The following GTF2A1L variants were observed in gnomAD, a reference collection of about 807,000 sequenced individuals.
The protein encoded by GTF2A1L is TFIIA-alpha and beta-like factor.
In GTF2A1L, 48 loss-of-function variants were observed where a neutral mutation model predicts 49.7. That is an observed-to-expected ratio of 0.97 (90% CI 0.77 to 1.23). GTF2A1L has a LOEUF of 1.23. GTF2A1L is among the 50% of genes most tolerant of loss of function. The pLI, the probability that GTF2A1L is intolerant of heterozygous loss-of-function variation, is 0.00. For missense variants in GTF2A1L, 736 were observed against 564.8 expected, an observed-to-expected ratio of 1.30 and a Z score of -3.07; for synonymous variants, 246 against 193.5, an observed-to-expected ratio of 1.27 and a Z score of -2.25.
intron 8 of GTF2A1L, among the ~76,000 whole-genome samples, chr2:48,677,932 GT>G (rs1363349586): frequency 6.6e-6 from 1 of 151,596 alleles, no homozygotes; most frequent in East Asian, 1.9e-4. Context: ...AGATTGTGAG[GT>G]TTGGGGAAGA....
intron 6 of GTF2A1L, among the ~76,000 whole-genome samples, chr2:48,663,303 G>C (rs1378883154): frequency 6.6e-6 from 1 of 151,896 alleles, no homozygotes; most frequent in Non-Finnish European, 1.5e-5. Context: ...GGCCATGGTG[G>C]TGCCCTCTTG....
chr2:48,630,716 C>T (rs1676519965), intron 3 of GTF2A1L, among the ~76,000 whole-genome samples: 1 of 144,818 alleles, frequency 6.9e-6, no homozygotes, highest in Admixed American at 7.0e-5. Flanking sequence ...CCAATTTTTG[C>T]CCATTTAGCA....
intron 1 of GTF2A1L, among the ~76,000 whole-genome samples, chr2:48,620,352 C>T (rs1675912192): frequency 6.6e-6 from 1 of 152,068 alleles, no homozygotes; most frequent in South Asian, 2.1e-4. Flanking sequence ...CTGAAGCTAA[C>T]ACAGTTTATG....
chr2:48,674,064 C>T (rs748788291), intron 8 of GTF2A1L, among the ~76,000 whole-genome samples: 1 of 152,056 alleles, frequency 6.6e-6, no homozygotes, highest in African/African-American at 2.4e-5. Context: ...TGAATAATGC[C>T]TCTATGAACA....
At chr2:48,623,586 T>C (rs1342428321) in intron 3 of GTF2A1L, among the ~76,000 whole-genome samples, 1 of 152,192 alleles carries the variant, frequency 6.6e-6, no homozygotes, top group African/African-American at 2.4e-5. Context: ...AGAAAATAAG[T>C]TGTTCTAACA....
At position 48,679,452 on chromosome 2, in the gene GTF2A1L, G is replaced by C. The variant is rs368337857; in HGVS notation, c.*10G>C. The stretch of plus-strand genomic sequence containing the variant: ...TGATGCAGAGTGGTAAACCTTGTGA[G>C]CTCAGTACATCTATTTTGTGAACAT... On this transcript the variant is annotated 3_prime_UTR_variant, in exon 9 of 9. Coordinates refer to ENST00000403751, the MANE Select transcript of GTF2A1L (RefSeq NM_006872.5). The C allele has an allele frequency of 1.2e-6, 2 of 1,611,150 alleles. No individual in the cohort carries two copies. Among genetic ancestry groups the C allele is most frequent in the Admixed American group, 1.7e-5 (1 of 59,510 alleles).
At chr2:48,660,157 G>T (rs188216535) in intron 6 of GTF2A1L, among the ~76,000 whole-genome samples, 1 of 152,130 alleles carries the variant, frequency 6.6e-6, no homozygotes, top group African/African-American at 2.4e-5. Flanking sequence ...CATGGTGTAG[G>T]ATTCCTGTAA....
At chr2:48,623,440 C>G (rs1676125783) in intron 3 of GTF2A1L, among the ~76,000 whole-genome samples, 1 of 152,138 alleles carries the variant, frequency 6.6e-6, no homozygotes, top group East Asian at 1.9e-4. Flanking sequence ...GTTGGTGAAG[C>G]TGCAGAAAAA....
At chr2:48,650,563 A>G (rs6717341) in intron 6 of GTF2A1L, among the ~76,000 whole-genome samples, 7,277 of 152,260 alleles carry the variant, frequency 0.048, 578 homozygotes, top group African/African-American at 0.17. Flanking sequence ...TCCTATCAAT[A>G]ATTGACTTTA....
intron 6 of GTF2A1L, among the ~76,000 whole-genome samples, chr2:48,652,331 C>G (rs1432136153): frequency 6.6e-6 from 1 of 152,008 alleles, no homozygotes; most frequent in Non-Finnish European, 1.5e-5. Flanking sequence ...AAATGAAAAG[C>G]CAGGCCGGGC....
At position 48,618,138 on chromosome 2, in the gene GTF2A1L, C is replaced by G. The variant is rs965681210; in HGVS notation, c.21+243C>G. 5 of 519,858 alleles carry G rather than the reference C, an allele frequency of 9.6e-6. No homozygotes were observed. The East Asian group carries it at 1.6e-4, about 16-fold the overall frequency. The allele number at this position is 519,858 out of a possible 1,614,324, so 32.2% of individuals were successfully genotyped here. ...CAAGTGCCCTTTTTCTCTTTTTACC[C>G]AAACTGAGGCTATCTAGTTGGGGTG... On this transcript the variant is annotated intron_variant, in intron 1 of 8. Coordinates refer to ENST00000403751, the MANE Select transcript of GTF2A1L (RefSeq NM_006872.5).
rs186819282 is a variant in GTF2A1L at position 48,645,741 on chromosome 2, T to C, written c.388+624T>C. On this transcript the variant is annotated intron_variant, in intron 5 of 8. Coordinates refer to ENST00000403751, the MANE Select transcript of GTF2A1L (RefSeq NM_006872.5). ...TCTGCTCACTGCAAGCTCCGCCTCC[T>C]GGGTTCACGCCATTCTCCTGCCTCA... Among the ~76,000 whole-genome samples the C allele has an allele frequency of 1.7e-4, 26 of 152,270 alleles. No individual in the cohort carries two copies. In the East Asian group the frequency reaches 4.6e-3, roughly 27 times the overall value.
At chr2:48,674,622 T>G (rs1159227486) in intron 8 of GTF2A1L, among the ~76,000 whole-genome samples, 2 of 152,142 alleles carry the variant, frequency 1.3e-5, no homozygotes, top group African/African-American at 4.8e-5. Context: ...ATATATTGCC[T>G]TCTATAAAAA....
intron 3 of GTF2A1L, among the ~76,000 whole-genome samples, chr2:48,637,956 A>G (rs1320661074): frequency 6.6e-6 from 1 of 152,216 alleles, no homozygotes; most frequent in Non-Finnish European, 1.5e-5. Context: ...CAACACCTCT[A>G]TGCACACAAA....
At chr2:48,651,412 C>T (rs1677838695) in intron 6 of GTF2A1L, among the ~76,000 whole-genome samples, 1 of 147,296 alleles carries the variant, frequency 6.8e-6, no homozygotes, top group Admixed American at 6.7e-5. Flanking sequence ...TTGATACCAT[C>T]AAAGAATTTT....
intron 8 of GTF2A1L, among the ~76,000 whole-genome samples, chr2:48,679,024 C>G (rs1679619164): frequency 6.9e-6 from 1 of 144,270 alleles, no homozygotes; most frequent in South Asian, 2.3e-4. Flanking sequence ...CTGTCCTTCC[C>G]TATTAAAATG....
At chr2:48,671,540 A>G (rs764560911) in intron 7 of GTF2A1L, 51 bp from the exon 8 acceptor site, 12 of 1,568,006 alleles carry the variant, frequency 7.7e-6, no homozygotes, top group Non-Finnish European at 1.0e-5. Flanking sequence ...TTATCTTTAA[A>G]CAATTTAAAG....
intron 1 of GTF2A1L, 68 bp downstream of exon 1, chr2:48,617,963 C>T: frequency 5.4e-6 from 8 of 1,477,252 alleles, no homozygotes; most frequent in Non-Finnish European, 7.4e-6. Context: ...CAGCCGAACC[C>T]TGCACCTTTT....
chr2:48,671,781 T>G, intron 8 of GTF2A1L, 101 bp downstream of exon 8: 3 of 1,167,854 alleles, frequency 2.6e-6, no homozygotes, highest in Non-Finnish European at 3.6e-6. Flanking sequence ...CACTTCACAA[T>G]TAATCAAAAC....
Sources: allele counts gnomAD v4.1 joint callset (sites outside exome capture counted in the v4.1 genomes callset), GRCh38; gene constraint gnomAD v4.1.1; transcripts MANE v1.5; gene names NCBI Gene and HGNC (gene_info 2026-07-23, HGNC 2026-07-21).